PRKG1: variants seen among roughly 807,000 people sequenced by gnomAD.
PRKG1 encodes protein kinase cGMP-dependent 1, also known as cGMP-dependent protein kinase 1.
Under a neutral mutation model 88.1 loss-of-function variants are expected in PRKG1, and 35 were observed. The observed-to-expected ratio is 0.40, with a 90% CI of 0.30 to 0.53. PRKG1 has a LOEUF of 0.53. Among genes scored for constraint, PRKG1 ranks in the 20% least tolerant of loss-of-function variants. The pLI is 0.59. For missense variants in PRKG1, 540 were observed against 839.8 expected (o/e 0.64, Z 4.41); for synonymous variants, 303 against 292.5 (o/e 1.04, Z -0.37).
At chr10:52,215,476 G>C (rs947104005) in intron 9 of PRKG1, among the ~76,000 whole-genome samples, 2 of 151,756 alleles carry the variant, frequency 1.3e-5, no homozygotes, top group Non-Finnish European at 2.9e-5. Flanking sequence ...CAGGCATTTA[G>C]ATAGTTAAAG....
rs1176567310 is a variant in PRKG1 at position 51,836,553 on chromosome 10, C to T, written c.698+31863C>T. Among the ~76,000 whole-genome samples the T allele has an allele frequency of 2.6e-5, 4 of 152,048 alleles. No homozygotes were observed. In the East Asian group the frequency reaches 5.8e-4, roughly 22 times the overall value. ...AATAGTATTCCAGTTTAAGGTTTTACGTTTAAGTCTATTGTTTATATTGAG... is the reference window on the plus strand; with the variant it reads ...AATAGTATTCCAGTTTAAGGTTTTATGTTTAAGTCTATTGTTTATATTGAG... On this transcript the variant is annotated intron_variant, in intron 4 of 17. Transcript: ENST00000373980.
intron 7 of PRKG1, among the ~76,000 whole-genome samples, chr10:52,131,174 C>G (rs192237175): frequency 6.6e-6 from 1 of 152,142 alleles, no homozygotes; most frequent in Non-Finnish European, 1.5e-5. Flanking sequence ...TGTGCCATAA[C>G]TGCTTTAAAC....
chr10:51,828,829 C>A (rs1358219904), intron 4 of PRKG1, among the ~76,000 whole-genome samples: 1 of 152,074 alleles, frequency 6.6e-6, no homozygotes, highest in African/African-American at 2.4e-5. Context: ...TAAAAATGTT[C>A]AAGAAACTGT....
chr10:51,128,361 G>A (rs1477647983), intron 1 of PRKG1, among the ~76,000 whole-genome samples: 1 of 152,142 alleles, frequency 6.6e-6, no homozygotes, highest in Non-Finnish European at 1.5e-5. Context: ...CTATTCTAAT[G>A]TTTTAAGAAT....
intron 9 of PRKG1, among the ~76,000 whole-genome samples, chr10:52,213,174 AAAAAAT>A (rs937677660): frequency 2.6e-5 from 4 of 152,112 alleles, no homozygotes; most frequent in African/African-American, 4.8e-5. Flanking sequence ...AGTATAATAA[AAAAAAT>A]AAAAATAAAA....
intron 5 of PRKG1, among the ~76,000 whole-genome samples, chr10:52,012,541 C>T (rs928443581): frequency 6.6e-5 from 10 of 152,068 alleles, no homozygotes; most frequent in Admixed American, 3.3e-4. Flanking sequence ...CGCGCCCAGC[C>T]GCGCCCAGCT....
intron 4 of PRKG1, among the ~76,000 whole-genome samples, chr10:51,863,802 A>G (rs1372440636): frequency 6.6e-6 from 1 of 152,218 alleles, no homozygotes; most frequent in Non-Finnish European, 1.5e-5. Context: ...GTCCTGCTAT[A>G]GGAGCACAAA....
At chr10:51,698,335 T>C in intron 3 of PRKG1, 3 of 1,614,140 alleles carry the variant, frequency 1.9e-6, no homozygotes, top group South Asian at 1.1e-5. Flanking sequence ...CATCCATAGG[T>C]AGACCCCTTT....
intron 2 of PRKG1, among the ~76,000 whole-genome samples, chr10:51,367,368 T>C (rs1335768148): frequency 6.6e-6 from 1 of 152,004 alleles, no homozygotes; most frequent in Non-Finnish European, 1.5e-5. Flanking sequence ...AATGGTAATT[T>C]GGGCATTTTG....
intron 1 of PRKG1, among the ~76,000 whole-genome samples, chr10:51,056,261 G>A (rs1323516556): frequency 6.6e-6 from 1 of 152,146 alleles, no homozygotes; most frequent in Non-Finnish European, 1.5e-5. Context: ...TGGGTTTCAG[G>A]GAAGGCACCT....
intron 2 of PRKG1, among the ~76,000 whole-genome samples, chr10:51,382,874 T>G (rs187117320): frequency 6.6e-6 from 1 of 152,120 alleles, no homozygotes; most frequent in East Asian, 1.9e-4. Context: ...TTCATTGTTC[T>G]TATCCAGTGG....
chr10:51,449,876 TATGAAAGAAAA>T (rs1248639082), intron 2 of PRKG1, among the ~76,000 whole-genome samples: 1 of 151,738 alleles, frequency 6.6e-6, no homozygotes, highest in Non-Finnish European at 1.5e-5. Context: ...AGTTAGGATT[TATGAAAGAAAA>T]AAGAAATCAG....
At chr10:51,561,618 G>A (rs1012992837) in intron 3 of PRKG1, among the ~76,000 whole-genome samples, 1 of 151,950 alleles carries the variant, frequency 6.6e-6, no homozygotes, top group Non-Finnish European at 1.5e-5. Context: ...GATCGATACA[G>A]GTTTAAAGGA....
intron 3 of PRKG1, chr10:51,697,917 C>T: frequency 6.3e-7 from 1 of 1,598,602 alleles, no homozygotes; most frequent in Non-Finnish European, 8.5e-7. Context: ...ATACCTCCTC[C>T]TTGTATACCT....
rs140624432 is a variant in PRKG1, at chr10:51,421,161, CTTGTTTGT to C, written c.479-46543_479-46536del. Among the ~76,000 whole-genome samples the C allele has an allele frequency of 5.8e-4, 88 of 151,410 alleles. 1 individual carries two copies. The highest frequency in any genetic ancestry group is 4.6e-3 in the South Asian group (22 of 4,784). ...CTATGGCACTCTGTGCCTTTTATTT[CTTGTTTGT>C]TTGTTTGTTTGTTTGTTTTAGAAAC... On this transcript the variant is annotated intron_variant, in intron 2 of 17. Transcript: ENST00000373980.
At chr10:51,115,386 A>ATATATATATATATATATATATATATAT (rs1465710988) in intron 1 of PRKG1, among the ~76,000 whole-genome samples, 946 of 70,114 alleles carry the variant, frequency 0.013, 90 homozygotes, top group East Asian at 0.058. Context: ...TATATATATA[A>ATATATATATATATATATATATATATAT]AACAAATGTG....
At position 52,276,730 on chromosome 10, in the gene PRKG1, A is replaced by G. The variant is rs1408156087; in HGVS notation, c.1404-4059A>G. ...ATTTCTTTAAGTAACTATCTAAACTATTGATGAAACAGGGTTTCTTTTGTT... is the reference window on the plus strand; with the variant it reads ...ATTTCTTTAAGTAACTATCTAAACTGTTGATGAAACAGGGTTTCTTTTGTT... On this transcript the variant is annotated intron_variant, in intron 12 of 17. Coordinates refer to ENST00000373980, the MANE Select transcript of PRKG1 (RefSeq NM_006258.4). Among the ~76,000 whole-genome samples the G allele has an allele frequency of 2.0e-5, 3 of 152,154 alleles. No individual in the cohort carries two copies. The East Asian group carries it at 5.8e-4, about 29-fold the overall frequency.
At chr10:51,805,479 T>A (rs1483269674) in intron 4 of PRKG1, among the ~76,000 whole-genome samples, 6 of 152,018 alleles carry the variant, frequency 3.9e-5, no homozygotes, top group Non-Finnish European at 8.8e-5. Flanking sequence ...TAAAATTACT[T>A]TTCTTTTGAA....
rs944086764 is a variant in PRKG1 at position 51,493,094 on chromosome 10, C to G, written c.592+25258C>G. Among the ~76,000 whole-genome samples, 90 of 152,124 alleles carry G rather than the reference C, an allele frequency of 5.9e-4. 2 individuals carry two copies. Among genetic ancestry groups the G allele is most frequent in the Non-Finnish European group, 3.8e-4 (26 of 67,990 alleles). On this transcript the variant is annotated intron_variant, in intron 3 of 17. Coordinates refer to ENST00000373980, the MANE Select transcript of PRKG1 (RefSeq NM_006258.4). Reference sequence around the variant, plus strand: ...TTAACAAGGTTATATCCTATTAACTCATGAGAGCAGAGCTTGAGCATTAAC... The same window carrying G: ...TTAACAAGGTTATATCCTATTAACTGATGAGAGCAGAGCTTGAGCATTAAC...
Sources: gnomAD v4.1 joint callset for allele counts (sites outside exome capture counted in the v4.1 genomes callset) on GRCh38, gnomAD v4.1.1 for gene constraint, MANE v1.5 for transcripts, NCBI Gene and HGNC (gene_info 2026-07-23, HGNC 2026-07-21) for gene names.